The following NWD1 variants were observed in gnomAD, a reference collection of about 807,000 sequenced individuals.
NWD1 encodes NACHT domain- and WD repeat-containing protein 1.
Under a neutral mutation model 135.1 loss-of-function variants are expected in NWD1, and 129 were observed. The ratio of observed to expected loss-of-function variants is 0.96; its 90% CI spans 0.83 to 1.11. NWD1 has a LOEUF of 1.11. NWD1 is among the 50% of genes least tolerant of loss of function. NWD1 has a pLI of 0.00. For missense variants in NWD1, 1,740 were observed against 1,851.3 expected (o/e 0.94, Z 1.10); for synonymous variants, 773 against 786.0 (o/e 0.98, Z 0.28).
chr19:16,726,968 G>A (rs916841293), intron 2 of NWD1, among the ~76,000 whole-genome samples: 2 of 152,106 alleles, frequency 1.3e-5, no homozygotes, highest in East Asian at 1.9e-4. Context: ...TAGTATGTGC[G>A]GTGCCTGGAC....
chr19:16,757,335 C>T (rs554003475), intron 6 of NWD1, among the ~76,000 whole-genome samples: 4 of 152,286 alleles, frequency 2.6e-5, no homozygotes, highest in African/African-American at 9.6e-5. Context: ...GCCCTGTGCC[C>T]TCTGGGAGCC....
intron 9 of NWD1, 81 bp downstream of exon 9, chr19:16,764,026 AGGGCAAACAT>A: frequency 7.0e-6 from 6 of 855,414 alleles, no homozygotes; most frequent in Non-Finnish European, 1.2e-5. Context: ...GGGAGGGTGA[AGGGCAAACAT>A]GGAAATCCTT....
chr19:16,797,456 G>A (rs1481692822), intron 15 of NWD1, among the ~76,000 whole-genome samples: 2 of 150,684 alleles, frequency 1.3e-5, no homozygotes, highest in Non-Finnish European at 2.9e-5. Context: ...TCGGCCTCCT[G>A]AGTAGCTGGG....
In NWD1 at chr19:16,762,094, A is replaced by G; in HGVS notation, c.2089A>G (p.Ile697Val). The G allele has an allele frequency of 1.9e-6, 3 of 1,614,124 alleles. No individual in the cohort carries two copies. The highest frequency in any genetic ancestry group is 2.5e-6 in the Non-Finnish European group (3 of 1,180,004). Residue 697 changes from isoleucine (I) to valine (V), a missense_variant, in exon 8 of 19, where the codon ATC becomes GTC. Coordinates refer to ENST00000524140, the MANE Select transcript of NWD1 (RefSeq NM_001007525.5). ...GTWSQGTKKL[I>V]TLPLVGKPLN... is the part of the protein sequence containing the mutation. The stretch of plus-strand genomic sequence containing the variant: ...CTGGAGCCAGGGTACCAAGAAGCTC[A>G]TCACTCTGCCACTTGTGGGGAAACC...
chr19:16,782,093 CAAAAAAAAAAAAAA>C lies in NWD1; in HGVS notation c.2731+2629_2731+2642del, dbSNP rs201390129. On this transcript the variant is annotated intron_variant, in intron 12 of 18. Transcript: ENST00000524140. ...TGGGCGACAGAGTGAGACTCTGTCT[CAAAAAAAAAAAAAA>C]GAAAAAAAAAAAGAATCTAATCTAA... 3.7e-4 allele frequency among the ~76,000 whole-genome samples: 22 copies of C among 58,798 alleles called. No individual in the cohort carries two copies. The East Asian group carries it at 0.012, about 31-fold the overall frequency. The allele number at this position is 58,798 out of a possible 152,430, so 38.6% of individuals were successfully genotyped here.
rs1464300998 is a variant in NWD1 at position 16,730,181 on chromosome 19, G to A, written c.-6-1011G>A. 2.6e-5 allele frequency among the ~76,000 whole-genome samples: 4 copies of A among 152,076 alleles called. No homozygotes were observed. In the South Asian group the frequency reaches 8.3e-4, roughly 32 times the overall value. On this transcript the variant is annotated intron_variant, in intron 2 of 18. Coordinates refer to ENST00000524140, the MANE Select transcript of NWD1 (RefSeq NM_001007525.5). ...TACTAAAACACAAAAAATTAGCCAG[G>A]TGTGGTGGTGCACGCCTGTAATCCC...
At chr19:16,722,991 G>A (rs1406854750) in intron 1 of NWD1, among the ~76,000 whole-genome samples, 2 of 152,112 alleles carry the variant, frequency 1.3e-5, no homozygotes, top group East Asian at 3.8e-4. Context: ...ACTGGGAGGG[G>A]ACGACTGAAA....
At chr19:16,789,707 CCT>C (rs905428524) in intron 13 of NWD1, among the ~76,000 whole-genome samples, 1 of 147,056 alleles carries the variant, frequency 6.8e-6, no homozygotes, top group Admixed American at 6.9e-5. Flanking sequence ...CTCTCTCTCT[CCT>C]CTCTCTCTTT....
intron 4 of NWD1, among the ~76,000 whole-genome samples, chr19:16,742,246 A>AGG (rs1968116265): frequency 1.3e-5 from 2 of 151,846 alleles, no homozygotes; most frequent in African/African-American, 4.8e-5. Context: ...GTGGTGGCTC[A>AGG]CGCCTGTAAT....
In NWD1 at chr19:16,815,581, A is replaced by G. The variant is rs1052477313; in HGVS notation, c.*542A>G. 18 of 448,880 alleles carry G rather than the reference A, an allele frequency of 4.0e-5. No individual in the cohort carries two copies. The highest frequency in any genetic ancestry group is 2.8e-4 in the Admixed American group (7 of 24,762). The allele number at this position is 448,880 out of a possible 1,614,324, so 27.8% of individuals were successfully genotyped here. A position where few individuals can be genotyped will look rare whatever the true frequency, so the allele number is the denominator to read the frequency against. The stretch of plus-strand genomic sequence containing the variant: ...GCTGCTGTCTCCAATTTCAATAGAA[A>G]AGAGAGCTTCTCTTTCCCAACAGTC... On this transcript the variant is annotated 3_prime_UTR_variant, in exon 19 of 19. Coordinates refer to ENST00000524140, the MANE Select transcript of NWD1 (RefSeq NM_001007525.5).
intron 2 of NWD1, among the ~76,000 whole-genome samples, chr19:16,730,811 T>C (rs1178048914): frequency 1.3e-5 from 2 of 152,128 alleles, no homozygotes; most frequent in Non-Finnish European, 2.9e-5. Flanking sequence ...GGAAGATGGC[T>C]TGAGTCCAGG....
chr19:16,741,775 A>G (rs1387344133), intron 4 of NWD1, among the ~76,000 whole-genome samples: 1 of 151,838 alleles, frequency 6.6e-6, no homozygotes, highest in African/African-American at 2.4e-5. Context: ...CTGCCATTTG[A>G]CCTTGGTCTG....
At chr19:16,771,120 C>G (rs370527271) in intron 10 of NWD1, among the ~76,000 whole-genome samples, 1 of 151,996 alleles carries the variant, frequency 6.6e-6, no homozygotes, top group African/African-American at 2.4e-5. Flanking sequence ...GGCAACATAG[C>G]GAGACCCTAT....
chr19:16,730,970 G>A (rs1359745155), intron 2 of NWD1, among the ~76,000 whole-genome samples: 40 of 145,398 alleles, frequency 2.8e-4, no homozygotes, highest in Middle Eastern at 7.4e-3. Context: ...CAGGCCAGGC[G>A]CAGTGGCTCA....
intron 11 of NWD1, among the ~76,000 whole-genome samples, chr19:16,775,563 G>C (rs1468094699): frequency 3.3e-5 from 5 of 152,156 alleles, no homozygotes; most frequent in Admixed American, 3.3e-4. Flanking sequence ...CATTTTAAGG[G>C]CACGACCTGG....
At chr19:16,755,831 C>G (rs936960793) in intron 6 of NWD1, among the ~76,000 whole-genome samples, 1 of 152,122 alleles carries the variant, frequency 6.6e-6, no homozygotes, top group Non-Finnish European at 1.5e-5. Context: ...AGCCACCGTA[C>G]CTGGCCTATA....
intron 18 of NWD1, among the ~76,000 whole-genome samples, chr19:16,810,293 C>T (rs571442860): frequency 3.9e-4 from 59 of 151,946 alleles, no homozygotes; most frequent in African/African-American, 1.4e-3. Context: ...CAAAAATTAG[C>T]CCTGCATGGT....
At chr19:16,766,702 C>T (rs1396529209) in intron 10 of NWD1, among the ~76,000 whole-genome samples, 1 of 152,142 alleles carries the variant, frequency 6.6e-6, no homozygotes, top group Admixed American at 6.6e-5. Flanking sequence ...CCTCCTACCT[C>T]AGCCTTCTGA....
chr19:16,779,589 C>G (rs1969784696), intron 12 of NWD1, 124 bp downstream of exon 12: 2 of 863,022 alleles, frequency 2.3e-6, no homozygotes, highest in Non-Finnish European at 3.7e-6. Flanking sequence ...CATCACTTAG[C>G]TATAGTTGCA....
Sources: gnomAD v4.1 joint callset for allele counts (sites outside exome capture counted in the v4.1 genomes callset) on GRCh38, gnomAD v4.1.1 for gene constraint, MANE v1.5 for transcripts, NCBI Gene and HGNC (gene_info 2026-07-23, HGNC 2026-07-21) for gene names.